Variants in FNDC3B observed in about 807,000 individuals in gnomAD.
The protein encoded by FNDC3B is fibronectin type III domain-containing protein 3B.
FNDC3B carries 12 observed loss-of-function variants against 151.5 expected under a neutral mutation model. The ratio of observed to expected loss-of-function variants is 0.08; its 90% CI spans 0.05 to 0.13. The LOEUF is 0.13. Among genes scored for constraint, FNDC3B ranks in the 10% least tolerant of loss-of-function variants. FNDC3B has a pLI of 1.00. For missense variants in FNDC3B, 1,214 were observed against 1,505.3 expected, an observed-to-expected ratio of 0.81 and a Z score of 3.20; for synonymous variants, 528 against 549.0, an observed-to-expected ratio of 0.96 and a Z score of 0.54.
intron 1 of FNDC3B, among the ~76,000 whole-genome samples, chr3:172,088,688 A>G (rs1249161687): frequency 6.6e-6 from 1 of 152,228 alleles, no homozygotes; most frequent in East Asian, 1.9e-4. Flanking sequence ...TTGATTTAAA[A>G]GTAGGTGCCA....
intron 1 of FNDC3B, among the ~76,000 whole-genome samples, chr3:172,100,527 C>T (rs1439258763): frequency 6.6e-6 from 1 of 152,104 alleles, no homozygotes; most frequent in Non-Finnish European, 1.5e-5. Context: ...AAATGTTTAT[C>T]TGAATTAGTA....
At chr3:172,112,007 T>A (rs1251437987) in intron 1 of FNDC3B, among the ~76,000 whole-genome samples, 1 of 152,248 alleles carries the variant, frequency 6.6e-6, no homozygotes, top group Non-Finnish European at 1.5e-5. Flanking sequence ...CAAGTTATAA[T>A]TGTAAATAGG....
At chr3:172,074,363 A>G (rs968805188) in intron 1 of FNDC3B, among the ~76,000 whole-genome samples, 1 of 152,252 alleles carries the variant, frequency 6.6e-6, no homozygotes, top group African/African-American at 2.4e-5. Flanking sequence ...GCCTGTACAC[A>G]GATACATAGA....
intron 7 of FNDC3B, among the ~76,000 whole-genome samples, chr3:172,288,923 TTGTA>T (rs1730168564): frequency 6.6e-6 from 1 of 152,176 alleles, no homozygotes; most frequent in African/African-American, 2.4e-5. Context: ...CAAGGGGAGT[TTGTA>T]TGAAGAGTGC....
chr3:172,394,397 A>T (rs865969387), intron 25 of FNDC3B, among the ~76,000 whole-genome samples: 21 of 152,134 alleles, frequency 1.4e-4, no homozygotes, highest in African/African-American at 4.6e-4. Flanking sequence ...TTACACCAAG[A>T]AGACACAAAA....
At chr3:172,283,902 G>GTC (rs1729869880) in intron 6 of FNDC3B, among the ~76,000 whole-genome samples, 1 of 152,010 alleles carries the variant, frequency 6.6e-6, no homozygotes, top group Non-Finnish European at 1.5e-5. Context: ...TGGGTCTTTT[G>GTC]AATGTGGGTT....
At chr3:172,103,803 T>G (rs778318658) in intron 1 of FNDC3B, among the ~76,000 whole-genome samples, 3 of 152,204 alleles carry the variant, frequency 2.0e-5, no homozygotes, top group Non-Finnish European at 4.4e-5. Context: ...ACAACTGTGA[T>G]TTTACTTCAC....
rs1332993797 is a variant in FNDC3B at position 172,301,647 on chromosome 3, C to T, written c.1061+2860C>T. ...GAGAGGTCGAGAGAATGACTTGAGC[C>T]CAGGAGTTCAAGACTAGCCCAGGCA... On this transcript the variant is annotated intron_variant, in intron 9 of 25. Coordinates refer to ENST00000415807, the MANE Select transcript of FNDC3B (RefSeq NM_022763.4). 4.6e-5 allele frequency: 7 copies of T among 152,240 alleles called. No individual in the cohort carries two copies. The East Asian group carries it at 1.4e-3, about 29-fold the overall frequency. The allele number at this position is 152,240 out of a possible 1,614,324, so 9.4% of individuals were successfully genotyped here.
intron 3 of FNDC3B, among the ~76,000 whole-genome samples, chr3:172,158,888 C>G (rs747558892): frequency 6.6e-6 from 1 of 152,192 alleles, no homozygotes; most frequent in Non-Finnish European, 1.5e-5. Flanking sequence ...TCCCTCCTCC[C>G]TTATCTTCCT....
intron 3 of FNDC3B, among the ~76,000 whole-genome samples, chr3:172,221,285 T>A (rs1345001631): frequency 6.6e-6 from 1 of 152,236 alleles, no homozygotes; most frequent in African/African-American, 2.4e-5. Flanking sequence ...CTTGCCTAAT[T>A]GTTCTGGCTA....
intron 10 of FNDC3B, 97 bp from the exon 11 acceptor site, chr3:172,310,731 C>A (rs12636516): frequency 0.16 from 141,095 of 885,452 alleles, 13,102 homozygotes; most frequent in South Asian, 0.27. Flanking sequence ...GGGGAGAGCA[C>A]AGGACTATCA....
At chr3:172,071,588 T>C (rs1321104614) in intron 1 of FNDC3B, among the ~76,000 whole-genome samples, 1 of 152,188 alleles carries the variant, frequency 6.6e-6, no homozygotes. Context: ...AATTTTTTTT[T>C]ATTCTCTGTG....
rs552732466 is a variant in FNDC3B at position 172,171,423 on chromosome 3, G to A, written c.187+37877G>A. On this transcript the variant is annotated intron_variant, in intron 3 of 25. Coordinates refer to ENST00000415807, the MANE Select transcript of FNDC3B (RefSeq NM_022763.4). ...GGCACATATTACTACTGGAAACTTC[G>A]ATGCCCAGTATTTTTTTCTCTATTC... Among the ~76,000 whole-genome samples, 5 of 151,994 alleles carry A rather than the reference G, an allele frequency of 3.3e-5. No individual in the cohort carries two copies. In the South Asian group the frequency reaches 8.3e-4, roughly 25 times the overall value.
At chr3:172,297,015 AG>A (rs1326721995) in intron 8 of FNDC3B, among the ~76,000 whole-genome samples, 1 of 152,190 alleles carries the variant, frequency 6.6e-6, no homozygotes, top group Non-Finnish European at 1.5e-5. Context: ...GAGGCTCAGC[AG>A]GTAACATACA....
At chr3:172,305,068 A>T (rs1271727282) in intron 9 of FNDC3B, among the ~76,000 whole-genome samples, 1 of 152,196 alleles carries the variant, frequency 6.6e-6, no homozygotes, top group African/African-American at 2.4e-5. Flanking sequence ...TAGTTTAGAT[A>T]GTAGTAGTTT....
chr3:172,343,175 T>C (rs1271021321), intron 18 of FNDC3B, 59 bp downstream of exon 18: 10 of 907,596 alleles, frequency 1.1e-5, no homozygotes, highest in Non-Finnish European at 1.8e-5. Context: ...GATGAAGACT[T>C]ATGCTTTGTA....
chr3:172,272,843 A>G (rs1729265275), intron 6 of FNDC3B, among the ~76,000 whole-genome samples: 1 of 152,216 alleles, frequency 6.6e-6, no homozygotes, highest in Non-Finnish European at 1.5e-5. Flanking sequence ...GAAATTTGGA[A>G]GATGTCTTGA....
chr3:172,173,717 A>G (rs1723400026), intron 3 of FNDC3B, among the ~76,000 whole-genome samples: 2 of 151,510 alleles, frequency 1.3e-5, no homozygotes, highest in Admixed American at 1.3e-4. Flanking sequence ...GCTACTCAGG[A>G]GGCTGAGGTG....
At position 172,344,197 on chromosome 3, in the gene FNDC3B, T is replaced by C. The variant is rs1467129744; in HGVS notation, c.2189T>C (p.Val730Ala). ...VYHGPELECTVGNLLPGTVYR... is the reference protein window; with the variant it reads ...VYHGPELECTAGNLLPGTVYR... ...CATGGCCCAGAGCTGGAGTGCACCGTCGGCAACCTGCTTCCTGGAACCGTG... is the reference window on the plus strand; with the variant it reads ...CATGGCCCAGAGCTGGAGTGCACCGCCGGCAACCTGCTTCCTGGAACCGTG... The change falls in exon 19 of 26, where the codon GTC (valine) becomes GCC (alanine). Residue 730 changes from valine to alanine, a missense_variant. Physicochemically the swap from Val to Ala is moderately conservative, Grantham distance 64 (BLOSUM62 0). Around this residue, in one of 7 missense-constraint regions of FNDC3B, gnomAD observed 380 missense variants for 420.9 expected, o/e 0.90. Coordinates refer to ENST00000415807, the MANE Select transcript of FNDC3B (RefSeq NM_022763.4). 5 of 1,614,018 alleles carry C rather than the reference T, an allele frequency of 3.1e-6. No individual in the cohort carries two copies. The highest frequency in any genetic ancestry group is 4.2e-6 in the Non-Finnish European group (5 of 1,180,012).
Sources: allele counts gnomAD v4.1 joint callset (sites outside exome capture counted in the v4.1 genomes callset), GRCh38; gene constraint gnomAD v4.1.1; regional missense constraint gnomAD v4.1.1; transcripts MANE v1.5; gene names NCBI Gene and HGNC (gene_info 2026-07-23, HGNC 2026-07-21).